The following SOBP variants were observed in gnomAD, a reference collection of about 807,000 sequenced individuals.
SOBP encodes the protein sine oculis binding protein homolog.
SOBP carries 4 observed loss-of-function variants against 53.6 expected under a neutral mutation model. That is an observed-to-expected ratio of 0.07 (90% CI 0.04 to 0.17). The LOEUF (loss-of-function observed/expected upper bound fraction) is 0.17. SOBP is among the 10% of genes least tolerant of loss of function. The pLI is 1.00. For synonymous variants in SOBP, 584 were observed against 522.6 expected (o/e 1.12, Z -1.60); for missense variants, 1,088 against 1,204.7 (o/e 0.90, Z 1.43).
chr6:107,509,117 G>C (rs541372983), intron 3 of SOBP, among the ~76,000 whole-genome samples: 1 of 152,142 alleles, frequency 6.6e-6, no homozygotes, highest in African/African-American at 2.4e-5. Context: ...ATGTAAGGCC[G>C]GGCGCAGTGG....
rs1278356860 is a variant in SOBP at position 107,634,899 on chromosome 6, G to A, written c.2055G>A (p.Ala685=). The part of the protein sequence containing the change: ...HVKAEREPSA[A]ERRTCGGCRD... Reference sequence around the variant, plus strand: ...AGGCGGAGCGCGAGCCGAGCGCCGCGGAGCGCAGGACCTGCGGCGGCTGCA... The same window carrying A: ...AGGCGGAGCGCGAGCCGAGCGCCGCAGAGCGCAGGACCTGCGGCGGCTGCA... Residue 685 remains alanine, a synonymous_variant, in exon 6 of 7, where the codon GCG becomes GCA. Transcript: ENST00000317357. This position sits in a 1 kb window ranked among gnomAD's most constrained non-coding sequence, Gnocchi z 4.5. 7.7e-7 allele frequency: 1 copy of A among 1,296,498 alleles called. No individual in the cohort carries two copies. 80.3% of individuals were successfully genotyped at this position (1,296,498 alleles called of 1,614,324 possible). A position where few individuals can be genotyped will look rare whatever the true frequency, so the allele number is the denominator to read the frequency against.
intron 4 of SOBP, among the ~76,000 whole-genome samples, chr6:107,567,745 G>A (rs191574322): frequency 1.6e-4 from 25 of 152,308 alleles, no homozygotes; most frequent in Admixed American, 1.1e-3. Context: ...AGACTTTGAG[G>A]AAGTCATTTC....
At chr6:107,535,638 T>TG (rs201971072) in intron 4 of SOBP, among the ~76,000 whole-genome samples, 1,517 of 129,330 alleles carry the variant, frequency 0.012, 23 homozygotes, top group East Asian at 0.087. Context: ...TGTGTGTGTG[T>TG]TTTTTTTTTT....
At chr6:107,595,251 C>T (rs1484223385) in intron 5 of SOBP, among the ~76,000 whole-genome samples, 1 of 148,256 alleles carries the variant, frequency 6.7e-6, no homozygotes, top group African/African-American at 2.5e-5. Flanking sequence ...AGACTTGGGA[C>T]ATTAAAAGAT....
At chr6:107,570,550 T>TA (rs1176045295) in intron 4 of SOBP, among the ~76,000 whole-genome samples, 1 of 152,246 alleles carries the variant, frequency 6.6e-6, no homozygotes, top group African/African-American at 2.4e-5. Flanking sequence ...CTATTGGTGT[T>TA]ACATGGTGGT....
intron 1 of SOBP, among the ~76,000 whole-genome samples, chr6:107,502,197 C>T (rs771128341): frequency 7.2e-5 from 11 of 152,282 alleles, no homozygotes; most frequent in Non-Finnish European, 1.0e-4. Flanking sequence ...GGAACTCACA[C>T]GTTGAGATTG....
intron 4 of SOBP, among the ~76,000 whole-genome samples, chr6:107,559,193 TA>T (rs759385283): frequency 1.5e-4 from 23 of 148,942 alleles, no homozygotes; most frequent in Middle Eastern, 3.4e-3. Flanking sequence ...GATTAAATGT[TA>T]AAAAAAAAAG....
chr6:107,613,661 G>T (rs1291049915), intron 5 of SOBP, among the ~76,000 whole-genome samples: 2 of 152,208 alleles, frequency 1.3e-5, no homozygotes, highest in Non-Finnish European at 2.9e-5. Context: ...CAGGTTCAAA[G>T]ACCTTCTTAA....
At chr6:107,591,863 G>A (rs1053363877) in intron 5 of SOBP, among the ~76,000 whole-genome samples, 5 of 151,704 alleles carry the variant, frequency 3.3e-5, no homozygotes, top group African/African-American at 1.2e-4. Context: ...ATCAACTCAG[G>A]ACTAATCATG....
chr6:107,541,471 A>G (rs1583190851), intron 4 of SOBP, among the ~76,000 whole-genome samples: 1 of 152,230 alleles, frequency 6.6e-6, no homozygotes, highest in South Asian at 2.1e-4. Context: ...GATTTTTGTC[A>G]CAGAAACTTA....
At chr6:107,586,693 A>T (rs1280343690) in intron 4 of SOBP, among the ~76,000 whole-genome samples, 2 of 152,270 alleles carry the variant, frequency 1.3e-5, no homozygotes, top group South Asian at 2.1e-4. Flanking sequence ...AGAATTTTTT[A>T]AAAGTGCATT....
chr6:107,657,388 T>G (rs1772114308), intron 6 of SOBP, among the ~76,000 whole-genome samples: 1 of 152,176 alleles, frequency 6.6e-6, no homozygotes, highest in South Asian at 2.1e-4. Flanking sequence ...TTTCTTCCAG[T>G]CCAGTGCTAC....
At chr6:107,645,544 C>G (rs1325878498) in intron 6 of SOBP, among the ~76,000 whole-genome samples, 1 of 151,682 alleles carries the variant, frequency 6.6e-6, no homozygotes, top group East Asian at 1.9e-4. Context: ...AAAAAAAAGC[C>G]AAGGTCACTT....
chr6:107,521,254 G>A (rs1247877777), intron 3 of SOBP, among the ~76,000 whole-genome samples: 2 of 150,034 alleles, frequency 1.3e-5, no homozygotes, highest in Non-Finnish European at 3.0e-5. Context: ...CCACAGAGGG[G>A]TATATCTATG....
intron 5 of SOBP, among the ~76,000 whole-genome samples, chr6:107,611,835 A>T (rs1016350154): frequency 5.9e-5 from 9 of 152,194 alleles, no homozygotes; most frequent in Admixed American, 2.0e-4. Flanking sequence ...TGAAGGAGTT[A>T]ACTAATTCCA....
At chr6:107,513,788 G>C (rs1013531593) in intron 3 of SOBP, among the ~76,000 whole-genome samples, 1 of 151,532 alleles carries the variant, frequency 6.6e-6, no homozygotes, top group Non-Finnish European at 1.5e-5. Context: ...AATCACTTAG[G>C]ATAAGGACAG....
At chr6:107,653,877 A>T (rs1388997833) in intron 6 of SOBP, among the ~76,000 whole-genome samples, 7 of 152,250 alleles carry the variant, frequency 4.6e-5, no homozygotes, top group Non-Finnish European at 7.3e-5. Flanking sequence ...CTTAGGCCAT[A>T]AAGGTCAAAG....
intron 1 of SOBP, among the ~76,000 whole-genome samples, chr6:107,499,866 G>A (rs1782792260): frequency 1.3e-5 from 2 of 151,962 alleles, no homozygotes; most frequent in South Asian, 2.1e-4. Flanking sequence ...TCCTTATCTC[G>A]AAAATCTGTC....
chr6:107,551,366 TTTTA>T lies in SOBP; in HGVS notation c.573+17763_573+17766del, dbSNP rs145446091. 5.3e-3 allele frequency among the ~76,000 whole-genome samples: 813 copies of T among 152,322 alleles called. 34 individuals are homozygous for T. In the East Asian group the frequency reaches 0.1, roughly 19 times the overall value. On this transcript the variant is annotated intron_variant, in intron 4 of 6. Coordinates refer to ENST00000317357, the MANE Select transcript of SOBP (RefSeq NM_018013.4). ...TGGCTTAGTATGCTATTTTTCAAGC[TTTTA>T]TTTATTATGAACCAGTAGTAAAAAA...
Sources: gnomAD v4.1 joint callset for allele counts (sites outside exome capture counted in the v4.1 genomes callset) on GRCh38, gnomAD v4.1.1 for gene constraint, Gnocchi (gnomAD v3.1) non-coding constraint, MANE v1.5 for transcripts, NCBI Gene and HGNC (gene_info 2026-07-23, HGNC 2026-07-21) for gene names.